NINL: variants seen among roughly 807,000 people sequenced by gnomAD.
The protein encoded by NINL is ninein like.
A neutral mutation model predicts 160.3 loss-of-function variants in NINL; 153 were observed. The observed-to-expected ratio is 0.95, with a 90% confidence interval of 0.84 to 1.09. The LOEUF is 1.09. NINL is among the 50% of genes least tolerant of loss of function. NINL has a pLI of 0.00. For missense variants in NINL, 1,829 were observed against 1,764.0 expected (o/e 1.04, Z -0.66); for synonymous variants, 800 against 734.8 (o/e 1.09, Z -1.43).
At chr20:25,505,745 G>A (rs565822035) in intron 5 of NINL, among the ~76,000 whole-genome samples, 1 of 152,318 alleles carries the variant, frequency 6.6e-6, no homozygotes, top group African/African-American at 2.4e-5. Context: ...TGGACAGATA[G>A]CAGGATGGAT....
chr20:25,512,726 T>C, intron 4 of NINL, 108 bp downstream of exon 4: 1 of 1,384,438 alleles, frequency 7.2e-7, no homozygotes, highest in Non-Finnish European at 9.7e-7. Context: ...CCTGAGACGG[T>C]GGCTGCCCTC....
intron 1 of NINL, among the ~76,000 whole-genome samples, chr20:25,579,118 G>T (rs1260438144): frequency 6.6e-6 from 1 of 152,180 alleles, no homozygotes; most frequent in Non-Finnish European, 1.5e-5. Flanking sequence ...TTAAGGTAAA[G>T]AAATGATATA....
At chr20:25,468,779 G>T (rs965335428) in intron 18 of NINL, among the ~76,000 whole-genome samples, 3 of 25,168 alleles carry the variant, frequency 1.2e-4, no homozygotes, top group Admixed American at 4.3e-4. Context: ...GTGGGCGCCC[G>T]CTTGCCCTGT....
At chr20:25,501,946 C>A (rs1240334945) in intron 7 of NINL, among the ~76,000 whole-genome samples, 1 of 151,880 alleles carries the variant, frequency 6.6e-6, no homozygotes, top group Non-Finnish European at 1.5e-5. Context: ...TTTTTTTCAC[C>A]AGGTTTCTAA....
intron 16 of NINL, among the ~76,000 whole-genome samples, chr20:25,478,488 G>T (rs1465370860): frequency 6.6e-6 from 1 of 152,226 alleles, no homozygotes; most frequent in Non-Finnish European, 1.5e-5. Context: ...CTTTCTGTAA[G>T]CCTTCTCTCT....
At chr20:25,475,373 T>C (rs765619492) in intron 17 of NINL, among the ~76,000 whole-genome samples, 132 of 152,170 alleles carry the variant, frequency 8.7e-4, no homozygotes, top group Non-Finnish European at 1.6e-3. Context: ...CTTCCAAGAA[T>C]TGAAGAGAAG....
intron 1 of NINL, among the ~76,000 whole-genome samples, chr20:25,584,531 C>T (rs923969133): frequency 1.3e-5 from 2 of 152,166 alleles, no homozygotes; most frequent in African/African-American, 4.8e-5. Flanking sequence ...ATTTTAAGTC[C>T]AGTGTGAAAA....
At chr20:25,543,450 C>T (rs1324947309) in intron 1 of NINL, among the ~76,000 whole-genome samples, 2 of 152,148 alleles carry the variant, frequency 1.3e-5, no homozygotes, top group African/African-American at 4.8e-5. Context: ...ACTCAGGAGA[C>T]TGAGGTAGGA....
At chr20:25,565,869 C>G (rs1241195188) in intron 1 of NINL, among the ~76,000 whole-genome samples, 1 of 152,228 alleles carries the variant, frequency 6.6e-6, no homozygotes, top group Non-Finnish European at 1.5e-5. Flanking sequence ...TCTTCCTCTC[C>G]TGTCCTGGAA....
intron 1 of NINL, among the ~76,000 whole-genome samples, chr20:25,578,512 A>G (rs1359732485): frequency 6.6e-6 from 1 of 152,104 alleles, no homozygotes; most frequent in Non-Finnish European, 1.5e-5. Flanking sequence ...GAATTTGATT[A>G]GCTGGGCGCA....
At chr20:25,580,160 C>T (rs2147205479) in intron 1 of NINL, among the ~76,000 whole-genome samples, 1 of 152,210 alleles carries the variant, frequency 6.6e-6, no homozygotes, top group Admixed American at 6.5e-5. Context: ...TGGTGAAACC[C>T]CGTCTCTACT....
intron 19 of NINL, among the ~76,000 whole-genome samples, chr20:25,463,766 C>T (rs752116198): frequency 1.3e-5 from 2 of 152,198 alleles, no homozygotes; most frequent in Admixed American, 6.5e-5. Flanking sequence ...GTTTTACAGG[C>T]ATGTAAGAAA....
intron 21 of NINL, among the ~76,000 whole-genome samples, chr20:25,460,051 G>C (rs2062746348): frequency 6.6e-6 from 1 of 152,060 alleles, no homozygotes; most frequent in Non-Finnish European, 1.5e-5. Flanking sequence ...TTTGCCCTCT[G>C]AGCTCCCCTG....
intron 1 of NINL, among the ~76,000 whole-genome samples, chr20:25,577,324 T>G (rs2065126061): frequency 6.6e-6 from 1 of 152,204 alleles, no homozygotes; most frequent in Non-Finnish European, 1.5e-5. Context: ...CTCTCCTGTG[T>G]TGGAGACCTG....
chr20:25,557,894 C>G (rs2064887265), intron 1 of NINL, among the ~76,000 whole-genome samples: 1 of 151,254 alleles, frequency 6.6e-6, no homozygotes, highest in Non-Finnish European at 1.5e-5. Flanking sequence ...TTTGGAAGGC[C>G]GAGGCGGGCA....
At chr20:25,466,553 A>G (rs2062917808) in intron 19 of NINL, among the ~76,000 whole-genome samples, 1 of 151,900 alleles carries the variant, frequency 6.6e-6, no homozygotes, top group South Asian at 2.1e-4. Context: ...TAATCCCAGC[A>G]ATTTGGGAGG....
At chr20:25,454,056 CA>C (rs3215515) in intron 23 of NINL, among the ~76,000 whole-genome samples, 8 of 144,322 alleles carry the variant, frequency 5.5e-5, no homozygotes, top group East Asian at 2.0e-4. Context: ...ACTCTGTCTC[CA>C]AAAAAAAAAG....
chr20:25,584,824 C>G (rs1326409838), intron 1 of NINL, among the ~76,000 whole-genome samples: 2 of 152,238 alleles, frequency 1.3e-5, no homozygotes, highest in Non-Finnish European at 2.9e-5. Flanking sequence ...ATGAACCCAA[C>G]GCGATCAGAG....
rs1330021344 is a variant in NINL, at chr20:25,468,156, T to C, written c.3354-698A>G. 2.0e-5 allele frequency among the ~76,000 whole-genome samples: 3 copies of C among 152,062 alleles called. No homozygotes were observed. The East Asian group carries it at 5.8e-4, about 29-fold the overall frequency. ...GCCACCCTCCCCAGAACACACATTCTCCCTTCCTCAGTCCCAGCCCTTCCC... is the reference window on the plus strand; with the variant it reads ...GCCACCCTCCCCAGAACACACATTCCCCCTTCCTCAGTCCCAGCCCTTCCC... On this transcript the variant is annotated intron_variant, in intron 18 of 23. Coordinates refer to ENST00000278886, the MANE Select transcript of NINL (RefSeq NM_025176.6).
Sources: gnomAD v4.1 joint callset for allele counts (sites outside exome capture counted in the v4.1 genomes callset) on GRCh38, gnomAD v4.1.1 for gene constraint, MANE v1.5 for transcripts, NCBI Gene and HGNC (gene_info 2026-07-23, HGNC 2026-07-21) for gene names.